FA2H: variants seen among roughly 807,000 people sequenced by gnomAD.
FA2H encodes the protein fatty acid alpha-hydroxylase.
A neutral mutation model predicts 44.9 loss-of-function variants in FA2H; 22 were observed. That is an observed-to-expected ratio of 0.49 (90% CI 0.35 to 0.70). The LOEUF (loss-of-function observed/expected upper bound fraction) is 0.70, where lower values mean the gene tolerates loss of function less well. FA2H is among the 30% of genes least tolerant of loss of function. The probability of loss-of-function intolerance (pLI) is 0.01; values close to 1 mark genes in which losing one functional copy is unlikely to be tolerated. For synonymous variants in FA2H, 243 were observed against 213.2 expected (o/e 1.14, Z -1.22); for missense variants, 501 against 504.9 (o/e 0.99, Z 0.07).
intron 2 of FA2H, among the ~76,000 whole-genome samples, chr16:74,739,116 G>C (rs1030449217): frequency 6.6e-6 from 1 of 152,200 alleles, no homozygotes; most frequent in South Asian, 2.1e-4. Context: ...CCTTGGGCGA[G>C]CATCCCATGC....
chr16:74,732,422 G>T, intron 2 of FA2H, among the ~76,000 whole-genome samples: 1 of 151,944 alleles, frequency 6.6e-6, no homozygotes. Context: ...AATGGCATAG[G>T]ATTCTTTTTC....
intron 1 of FA2H, among the ~76,000 whole-genome samples, chr16:74,744,482 C>T (rs1270331283): frequency 1.4e-5 from 2 of 140,318 alleles, no homozygotes; most frequent in Non-Finnish European, 3.0e-5. Flanking sequence ...AACAAGGTCT[C>T]AGTCTGTTAC....
At chr16:74,715,228 T>G (rs1224892002) in intron 6 of FA2H, among the ~76,000 whole-genome samples, 1 of 152,194 alleles carries the variant, frequency 6.6e-6, no homozygotes, top group Non-Finnish European at 1.5e-5. Context: ...TGAATTGAGA[T>G]GTGCTGTAAG....
chr16:74,724,240 G>A (rs893172987), intron 4 of FA2H, among the ~76,000 whole-genome samples: 4 of 152,146 alleles, frequency 2.6e-5, no homozygotes, highest in African/African-American at 9.7e-5. Context: ...TGGACGTACG[G>A]GAGCACTCTC....
chr16:74,735,966 G>A (rs549154370), intron 2 of FA2H, among the ~76,000 whole-genome samples: 2 of 152,192 alleles, frequency 1.3e-5, no homozygotes, highest in Non-Finnish European at 2.9e-5. Flanking sequence ...CTGGGTAACA[G>A]AGTGAGAACC....
intron 2 of FA2H, among the ~76,000 whole-genome samples, chr16:74,739,302 G>A (rs1273077545): frequency 6.6e-6 from 1 of 152,160 alleles, no homozygotes. Context: ...ATTTGTGTCT[G>A]TTCCTAAGCT....
In FA2H at chr16:74,753,978, CAT is replaced by C. The variant is rs149294185; in HGVS notation, c.271-13865_271-13864del. ...CTCAAGTGAAGCATCAAACTTTTCA[CAT>C]GAGTCTTCGACATTGAACTCTCTGT... On this transcript the variant is annotated intron_variant, in intron 1 of 6. Coordinates refer to ENST00000219368, the MANE Select transcript of FA2H (RefSeq NM_024306.5). Among the ~76,000 whole-genome samples the C allele has an allele frequency of 1.6e-3, 241 of 152,322 alleles. 2 individuals carry two copies. Among genetic ancestry groups the C allele is most frequent in the African/African-American group, 5.4e-3 (226 of 41,574 alleles).
At chr16:74,754,803 C>A (rs1962585851) in intron 1 of FA2H, among the ~76,000 whole-genome samples, 1 of 151,770 alleles carries the variant, frequency 6.6e-6, no homozygotes, top group South Asian at 2.1e-4. Context: ...GCTGGGATTA[C>A]ATGCCTGAGC....
chr16:74,744,759 T>G (rs1962383671), intron 1 of FA2H, among the ~76,000 whole-genome samples: 1 of 152,174 alleles, frequency 6.6e-6, no homozygotes, highest in Non-Finnish European at 1.5e-5. Flanking sequence ...CCAAATTTTT[T>G]ATTTTTTATA....
At position 74,719,070 on chromosome 16, in the gene FA2H, C is replaced by T. The variant is rs572112273; in HGVS notation, c.704G>A (p.Arg235His). 3.7e-6 allele frequency: 6 copies of T among 1,613,990 alleles called. No homozygotes were observed. Among genetic ancestry groups the T allele is most frequent in the South Asian group, 1.1e-5 (1 of 91,086 alleles). ...LWSLIEYLIHRFLFHMKPPSD... is the reference protein window; with the variant it reads ...LWSLIEYLIHHFLFHMKPPSD... ...GGGGGGCTTCATGTGGAACAGGAAG[C>T]GGTGGATGAGGTACTCGATGAGGCT... The change falls in exon 5 of 7, where the codon CGC (arginine) becomes CAC (histidine). Residue 235 changes from arginine (R) to histidine (H), a missense_variant. Arg to His is a conservative substitution (Grantham distance 29). Coordinates refer to ENST00000219368, the MANE Select transcript of FA2H (RefSeq NM_024306.5).
rs1427037851 is a variant in FA2H, at chr16:74,739,882, G to A, written c.363+141C>T. 6.5e-6 allele frequency: 5 copies of A among 774,146 alleles called. No individual in the cohort carries two copies. In the African/African-American group the frequency reaches 6.8e-5, roughly 10 times the overall value. The allele number at this position is 774,146 out of a possible 1,614,324, so 48.0% of individuals were successfully genotyped here. ...TTGCTGTCCCAGGTCATGCCTCTGG[G>A]CTGTGGACACCTGCTTCTCCTTCCC... On this transcript the variant is annotated intron_variant, in intron 2 of 6. Coordinates refer to ENST00000219368, the MANE Select transcript of FA2H (RefSeq NM_024306.5).
chr16:74,724,863 T>C (rs1008587316), intron 4 of FA2H, among the ~76,000 whole-genome samples: 9 of 152,162 alleles, frequency 5.9e-5, no homozygotes, highest in African/African-American at 2.2e-4. Flanking sequence ...ATCACCCCTG[T>C]CTGCCCATCC....
At chr16:74,723,516 T>A (rs1017997870) in intron 4 of FA2H, among the ~76,000 whole-genome samples, 6 of 152,086 alleles carry the variant, frequency 3.9e-5, no homozygotes, top group Non-Finnish European at 4.4e-5. Context: ...AGGCCAACCG[T>A]CTTCCTCCTT....
chr16:74,774,567 G>A lies in FA2H; in HGVS notation c.189C>T (p.Asp63=). 1 of 1,540,474 alleles carries A rather than the reference G, an allele frequency of 6.5e-7. No homozygotes were observed. The highest frequency in any genetic ancestry group is 8.7e-7 in the Non-Finnish European group (1 of 1,153,712). The change falls in exon 1 of 7, where the codon GAC becomes GAT. Residue 63 remains aspartate (D), a synonymous_variant. Coordinates refer to ENST00000219368, the MANE Select transcript of FA2H (RefSeq NM_024306.5). The stretch of plus-strand genomic sequence containing the variant: ...TGGCCGAGTGCCTGTGCGGCGGCCC[G>A]TCCAGGTCGGCGCTGATGTCCTGGC... ...RAGQDISADL[D]GPPHRHSANA...
chr16:74,738,766 G>C (rs923032405), intron 2 of FA2H, among the ~76,000 whole-genome samples: 1 of 152,154 alleles, frequency 6.6e-6, no homozygotes, highest in Non-Finnish European at 1.5e-5. Context: ...TCCAGACTGA[G>C]GTCCTGACCC....
Position 74,714,259 on chromosome 16 carries a change from G to A in FA2H, c.1050C>T (p.Ile350=), listed in dbSNP as rs1042493622. Residue 350 remains isoleucine (I), a synonymous_variant, in exon 7 of 7, where the codon ATC becomes ATT. Transcript: ENST00000219368. The part of the protein sequence containing the change: ...HFAHQKSGFG[I]STKLWDYCFH... Reference sequence around the variant, plus strand: ...AACAGTAATCCCACAATTTAGTGCTGATACCAAATCCTAGAGAGGGAGACA... The same window carrying A: ...AACAGTAATCCCACAATTTAGTGCTAATACCAAATCCTAGAGAGGGAGACA... 8.3e-6 allele frequency: 13 copies of A among 1,558,704 alleles called. No homozygotes were observed. The African/African-American group carries it at 1.5e-4, about 18-fold the overall frequency.
chr16:74,748,771 G>A (rs986373943), intron 1 of FA2H, among the ~76,000 whole-genome samples: 2 of 152,220 alleles, frequency 1.3e-5, no homozygotes, highest in African/African-American at 4.8e-5. Context: ...TGCGGCGGGC[G>A]GGGGCTGGGG....
chr16:74,713,949 C>T lies in FA2H; in HGVS notation c.*241G>A, dbSNP rs1250781360. The stretch of plus-strand genomic sequence containing the variant: ...GTGGGCTGAGCTCTAGGCAGGGACG[C>T]TCCAGGAAGAAGTGGGTCACCAAGG... On this transcript the variant is annotated 3_prime_UTR_variant, in exon 7 of 7. Transcript: ENST00000219368. 1.8e-6 allele frequency: 1 copy of T among 553,994 alleles called. No individual in the cohort carries two copies. Among genetic ancestry groups the T allele is most frequent in the African/African-American group, 1.9e-5 (1 of 52,892 alleles). The allele number at this position is 553,994 out of a possible 1,614,324, so 34.3% of individuals were successfully genotyped here. A position where few individuals can be genotyped will look rare whatever the true frequency, so the allele number is the denominator to read the frequency against.
chr16:74,749,620 G>T (rs1436132740), intron 1 of FA2H, among the ~76,000 whole-genome samples: 1 of 152,160 alleles, frequency 6.6e-6, no homozygotes, highest in Non-Finnish European at 1.5e-5. Flanking sequence ...CAGCAACCTC[G>T]ACACCGGAAG....
Sources: gnomAD v4.1 joint callset for allele counts (sites outside exome capture counted in the v4.1 genomes callset) on GRCh38, gnomAD v4.1.1 for gene constraint, MANE v1.5 for transcripts, NCBI Gene and HGNC (gene_info 2026-07-23, HGNC 2026-07-21) for gene names.